Variants in PTPRK observed in about 807,000 individuals in gnomAD.
The protein encoded by PTPRK is receptor-type tyrosine-protein phosphatase kappa.
In PTPRK, 75 loss-of-function variants were observed where a neutral mutation model predicts 178.0. That is an observed-to-expected ratio of 0.42 (90% CI 0.35 to 0.51). PTPRK has a LOEUF of 0.51. Among genes scored for constraint, PTPRK ranks in the 20% least tolerant of loss-of-function variants. The pLI, the probability that PTPRK is intolerant of heterozygous loss-of-function variation, is 0.02. For missense variants in PTPRK, 1,441 were observed against 1,797.8 expected, an observed-to-expected ratio of 0.80 and a Z score of 3.59; for synonymous variants, 637 against 620.6, an observed-to-expected ratio of 1.03 and a Z score of -0.39.
At chr6:128,049,264 CAGA>C (rs2114866320) in intron 13 of PTPRK, among the ~76,000 whole-genome samples, 1 of 152,170 alleles carries the variant, frequency 6.6e-6, no homozygotes, top group Admixed American at 6.5e-5. Context: ...CTAAAAAATC[CAGA>C]AGTTCACAGG....
intron 14 of PTPRK, chr6:128,008,079 C>A (rs1296112531): frequency 7.4e-7 from 1 of 1,347,148 alleles, no homozygotes; most frequent in Admixed American, 1.9e-5. Flanking sequence ...TCTTCTCCAA[C>A]ATATATATCT....
chr6:128,025,545 T>C (rs180748613), intron 13 of PTPRK, among the ~76,000 whole-genome samples: 13 of 152,306 alleles, frequency 8.5e-5, no homozygotes, highest in Admixed American at 8.5e-4. Flanking sequence ...TCTGTATTAG[T>C]TTCTCAAGGC....
chr6:128,303,776 AT>A lies in PTPRK; in HGVS notation c.495+18262del, dbSNP rs372796216. Among the ~76,000 whole-genome samples the A allele has an allele frequency of 9.2e-3, 1,395 of 152,158 alleles. 22 individuals are homozygous for A. Among genetic ancestry groups the A allele is most frequent in the African/African-American group, 0.031 (1,301 of 41,520 alleles). Reference sequence around the variant, plus strand: ...AAGCACATTTCTGTTTTTAAAATGAATTTTTTTTCTTTAAAACAATCTATTT... The same window carrying A: ...AAGCACATTTCTGTTTTTAAAATGAATTTTTTTCTTTAAAACAATCTATTT... On this transcript the variant is annotated intron_variant, in intron 3 of 29. Transcript: ENST00000368226.
rs1424801027 is a variant in PTPRK, at chr6:128,078,802, T to C, written c.1883+11A>G. ...GGATAAGGCAGAACTACTGTAGTTT[T>C]CTCCTCTTACCTGATAGGAGCACCT... On this transcript the variant is annotated intron_variant, in intron 11 of 29. Transcript: ENST00000368226. 1.9e-6 allele frequency: 3 copies of C among 1,582,474 alleles called. No homozygotes were observed. In the South Asian group the frequency reaches 3.3e-5, roughly 18 times the overall value.
chr6:128,282,662 A>G (rs997184360), intron 3 of PTPRK, among the ~76,000 whole-genome samples: 1 of 152,232 alleles, frequency 6.6e-6, no homozygotes. Context: ...TAAACATTTT[A>G]ACATAATAAT....
chr6:128,154,180 T>C (rs898935037), intron 7 of PTPRK, among the ~76,000 whole-genome samples: 6 of 151,766 alleles, frequency 4.0e-5, no homozygotes, highest in Non-Finnish European at 7.4e-5. Flanking sequence ...ATGTCACATC[T>C]TATCTGTTAA....
intron 3 of PTPRK, among the ~76,000 whole-genome samples, chr6:128,287,421 C>T (rs1350531976): frequency 6.6e-6 from 1 of 152,170 alleles, no homozygotes; most frequent in African/African-American, 2.4e-5. Flanking sequence ...ATGAGCAAAT[C>T]TTTCATGAGC....
At chr6:128,109,937 GC>G (rs1272565796) in intron 7 of PTPRK, among the ~76,000 whole-genome samples, 1 of 151,960 alleles carries the variant, frequency 6.6e-6, no homozygotes, top group African/African-American at 2.4e-5. Context: ...ACAGGCTCTT[GC>G]TCTGTTGCCC....
chr6:128,198,555 T>C (rs1469714034), intron 6 of PTPRK, among the ~76,000 whole-genome samples: 1 of 152,148 alleles, frequency 6.6e-6, no homozygotes, highest in Non-Finnish European at 1.5e-5. Flanking sequence ...CAAACCACCA[T>C]GGCATGTGTA....
chr6:128,272,736 T>C lies in PTPRK; in HGVS notation c.496-30134A>G, dbSNP rs562175199. ...AGGTGCTGGAGAGGATGTAGAGAAA[T>C]AGGAATGCTTTTACACTGTTGGTGG... On this transcript the variant is annotated intron_variant, in intron 3 of 29. Coordinates refer to ENST00000368226, the MANE Select transcript of PTPRK (RefSeq NM_002844.4). Among the ~76,000 whole-genome samples the C allele has an allele frequency of 2.7e-3, 406 of 152,204 alleles. 2 individuals carry two copies. Among genetic ancestry groups the C allele is most frequent in the African/African-American group, 9.3e-3 (388 of 41,534 alleles).
intron 6 of PTPRK, among the ~76,000 whole-genome samples, chr6:128,217,967 A>C (rs1268455991): frequency 6.6e-6 from 1 of 152,130 alleles, no homozygotes; most frequent in Non-Finnish European, 1.5e-5. Context: ...TACTCAACGG[A>C]GCTGCTTTAC....
intron 13 of PTPRK, among the ~76,000 whole-genome samples, chr6:128,048,890 T>C (rs1778532912): frequency 6.6e-6 from 1 of 152,156 alleles, no homozygotes; most frequent in African/African-American, 2.4e-5. Flanking sequence ...TCTATTTCCT[T>C]CAACTAGAAT....
intron 1 of PTPRK, among the ~76,000 whole-genome samples, chr6:128,434,092 A>G (rs1845204716): frequency 6.6e-6 from 1 of 151,932 alleles, no homozygotes; most frequent in East Asian, 1.9e-4. Flanking sequence ...CATTTAGACA[A>G]CAGTCTAGGA....
At chr6:128,270,852 C>A (rs73594679) in intron 3 of PTPRK, among the ~76,000 whole-genome samples, 5,674 of 152,034 alleles carry the variant, frequency 0.037, 351 homozygotes, top group African/African-American at 0.13. Flanking sequence ...GTTAAGGAGA[C>A]ATCAGTGTAC....
chr6:128,303,316 C>A (rs538344775), intron 3 of PTPRK, among the ~76,000 whole-genome samples: 1 of 152,178 alleles, frequency 6.6e-6, no homozygotes. Flanking sequence ...AACTCTACCC[C>A]CTAGATTCAC....
rs995567744 is a variant in PTPRK, at chr6:128,051,404, C to T, written c.2194+13354G>A. Among the ~76,000 whole-genome samples the T allele has an allele frequency of 6.6e-5, 10 of 152,252 alleles. No individual in the cohort carries two copies. In the East Asian group the frequency reaches 9.7e-4, roughly 15 times the overall value. On this transcript the variant is annotated intron_variant, in intron 13 of 29. Transcript: ENST00000368226. ...TTCATGCTAAAGTCTTGCTTCTATT[C>T]GCTATCTTTTTGCCCAGTCACTCTA...
At chr6:128,057,874 CCTTTTAA>C (rs1780169543) in intron 13 of PTPRK, among the ~76,000 whole-genome samples, 1 of 151,960 alleles carries the variant, frequency 6.6e-6, no homozygotes, top group Admixed American at 6.6e-5. Context: ...GTACTGCATA[CCTTTTAA>C]CTTTTATTAG....
At chr6:128,412,545 A>G (rs570833292) in intron 1 of PTPRK, among the ~76,000 whole-genome samples, 3 of 152,230 alleles carry the variant, frequency 2.0e-5, no homozygotes, top group Admixed American at 6.5e-5. Flanking sequence ...GAGAAAGCCA[A>G]CATGCTGGCC....
rs150369181 is a variant in PTPRK at position 128,418,053 on chromosome 6, T to C, written c.101-20365A>G. Among the ~76,000 whole-genome samples, 44 of 152,350 alleles carry C rather than the reference T, an allele frequency of 2.9e-4. 2 individuals carry two copies. The East Asian group carries it at 8.3e-3, about 29-fold the overall frequency. ...TGCAAAGATGGACGCTAACATTCTA[T>C]TAGACACTGTATCTCGTCAAAAAAA... On this transcript the variant is annotated intron_variant, in intron 1 of 29. Coordinates refer to ENST00000368226, the MANE Select transcript of PTPRK (RefSeq NM_002844.4).
Sources: gnomAD v4.1 joint callset for allele counts (sites outside exome capture counted in the v4.1 genomes callset) on GRCh38, gnomAD v4.1.1 for gene constraint, MANE v1.5 for transcripts, NCBI Gene and HGNC (gene_info 2026-07-23, HGNC 2026-07-21) for gene names.